ANAPC5: variants seen among roughly 807,000 people sequenced by gnomAD.
ANAPC5 encodes anaphase-promoting complex subunit 5.
ANAPC5 carries 60 observed loss-of-function variants against 91.3 expected under a neutral mutation model. The observed-to-expected ratio is 0.66, with a 90% CI of 0.53 to 0.81. The LOEUF (loss-of-function observed/expected upper bound fraction) is 0.81. Ranked by LOEUF, ANAPC5 falls within the 40% of genes least tolerant of loss-of-function variation. The pLI, the probability that ANAPC5 is intolerant of heterozygous loss-of-function variation, is 0.00. For synonymous variants in ANAPC5, 340 were observed against 364.1 expected (o/e 0.93, Z 0.75); for missense variants, 690 against 931.5 (o/e 0.74, Z 3.37).
intron 1 of ANAPC5, chr12:121,351,102 T>A (rs923442308): frequency 2.2e-5 from 10 of 451,076 alleles, no homozygotes; most frequent in Admixed American, 1.7e-4. Context: ...CCGGGCGCAG[T>A]GGCTCACTCC....
At chr12:121,338,071 A>G (rs887538991) in intron 5 of ANAPC5, among the ~76,000 whole-genome samples, 3 of 152,158 alleles carry the variant, frequency 2.0e-5, no homozygotes, top group Admixed American at 6.6e-5. Context: ...GAGTTTTTCT[A>G]TAAGTAAAAT....
At chr12:121,311,549 T>G (rs185801038) in intron 15 of ANAPC5, among the ~76,000 whole-genome samples, 2 of 152,056 alleles carry the variant, frequency 1.3e-5, no homozygotes, top group African/African-American at 2.4e-5. Flanking sequence ...TCAACAATAA[T>G]AGGCCAGGCA....
chr12:121,321,532 CTT>C (rs59155973), intron 11 of ANAPC5, among the ~76,000 whole-genome samples: 36 of 120,366 alleles, frequency 3.0e-4, no homozygotes, highest in African/African-American at 3.3e-4. Flanking sequence ...ATACAAAATC[CTT>C]TTTTTTTTTT....
At chr12:121,344,354 G>A (rs1430027211) in intron 4 of ANAPC5, among the ~76,000 whole-genome samples, 3 of 152,162 alleles carry the variant, frequency 2.0e-5, no homozygotes, top group Non-Finnish European at 4.4e-5. Context: ...CAAGGCGGGT[G>A]GATCACCTGA....
At chr12:121,352,718 T>TTGTTGTTGTTGGTGGTGGTGGTGG (rs71079056), upstream of ANAPC5, among the ~76,000 whole-genome samples, 823 of 102,426 alleles carry the variant, frequency 8.0e-3, 7 homozygotes, top group African/African-American at 0.02. Context: ...GTTGTTGTTG[T>TTGTTGTTGTTGGTGGTGGTGGTGG]TGGTGGTGGT....
At position 121,318,062 on chromosome 12, in the gene ANAPC5, G is replaced by A. The variant is rs111559847; in HGVS notation, c.1893+215C>T. ...GCGAGTCCTCCTTACTGAATACACA[G>A]CTCAGGAAAGCCAGTGCCACTGGAA... is the stretch of plus-strand genomic sequence containing the variant. On this transcript the variant is annotated intron_variant, in intron 15 of 16. Transcript: ENST00000261819. 7.2e-5 allele frequency: 30 copies of A among 418,910 alleles called. 1 individual carries two copies. The highest frequency in any genetic ancestry group is 4.1e-4 in the African/African-American group (20 of 49,206). The allele number at this position is 418,910 out of a possible 1,614,324, so 25.9% of individuals were successfully genotyped here.
chr12:121,320,605 CTTTCT>C, intron 11 of ANAPC5, 146 bp from the exon 12 acceptor site: 1 of 572,636 alleles, frequency 1.7e-6, no homozygotes, highest in Non-Finnish European at 3.0e-6. Flanking sequence ...AATTTCTTTT[CTTTCT>C]TTTTTTTTTT....
intron 15 of ANAPC5, among the ~76,000 whole-genome samples, chr12:121,316,244 AC>A (rs1218721993): frequency 6.6e-6 from 1 of 152,140 alleles, no homozygotes; most frequent in Non-Finnish European, 1.5e-5. Flanking sequence ...ACAATGAGAC[AC>A]CCCTTCATAC....
At chr12:121,352,101 C>T (rs568043202) in intron 1 of ANAPC5, 33 bp downstream of exon 1, 62 of 1,570,580 alleles carry the variant, frequency 3.9e-5, no homozygotes, top group Non-Finnish European at 5.2e-5. Flanking sequence ...TAAAAGTTTG[C>T]TGCACGAGCA....
chr12:121,352,400 C>T lies in ANAPC5; in HGVS notation c.-60G>A, dbSNP rs185132727. 7.6e-4 allele frequency: 1,037 copies of T among 1,365,868 alleles called. 2 individuals carry two copies. The highest frequency in any genetic ancestry group is 1.8e-3 in the South Asian group (145 of 79,648). 84.6% of individuals were successfully genotyped at this position (1,365,868 alleles called of 1,614,324 possible). A position where few individuals can be genotyped will look rare whatever the true frequency, so the allele number is the denominator to read the frequency against. On this transcript the variant is annotated 5_prime_UTR_variant, in exon 1 of 17. Coordinates refer to ENST00000261819, the MANE Select transcript of ANAPC5 (RefSeq NM_016237.5). ...GCTGCCGCCAGTTGTCACCACAAGG[C>T]ACAACACTACCGGGTCTACATCTCC...
Position 121,318,348 on chromosome 12 carries a change from G to T in ANAPC5, c.1822C>A (p.Leu608Met). ...TIALPMLLQA[L>M]ALSKEYRLQY... ...AACCGGTACTCCTTGGAGAGGGCCA[G>T]AGCCTGCAGGAGCATGGGCAGCGCG... Residue 608 changes from leucine (L) to methionine (M), a missense_variant, in exon 15 of 17, where the codon CTG becomes ATG. Transcript: ENST00000261819. 6.2e-7 allele frequency: 1 copy of T among 1,611,002 alleles called. No homozygotes were observed. The highest frequency in any genetic ancestry group is 1.1e-5 in the South Asian group (1 of 90,540).
In ANAPC5 at chr12:121,318,385, GGAA is replaced by G. The variant is rs752251968; in HGVS notation, c.1782_1784del (p.Ser596del). On this transcript the variant is annotated inframe_deletion, in exon 15 of 17. Transcript: ENST00000261819. Reference sequence around the variant, plus strand: ...GCATGGGCAGCGCGATGGTAGGGGAGGAAGATCGCCAGTACAGCTCTGCCACGG... The same window carrying G: ...GCATGGGCAGCGCGATGGTAGGGGAGGATCGCCAGTACAGCTCTGCCACGG... 1 of 1,612,322 alleles carries G rather than the reference GGAA, an allele frequency of 6.2e-7. No individual in the cohort carries two copies. Among genetic ancestry groups the G allele is most frequent in the South Asian group, 1.1e-5 (1 of 90,742 alleles).
chr12:121,312,584 G>A (rs2136754162), intron 15 of ANAPC5, among the ~76,000 whole-genome samples: 1 of 151,812 alleles, frequency 6.6e-6, no homozygotes, highest in South Asian at 2.1e-4. Flanking sequence ...GCACATGCCT[G>A]TAGTTCCAGC....
intron 1 of ANAPC5, 67 bp from the exon 2 acceptor site, chr12:121,347,948 A>G: frequency 8.9e-7 from 1 of 1,119,526 alleles, no homozygotes; most frequent in Non-Finnish European, 1.3e-6. Flanking sequence ...AATTGCAAAC[A>G]TAAATTCATT....
Position 121,328,406 on chromosome 12 carries a change from G to C in ANAPC5, c.1214C>G (p.Ser405Cys), listed in dbSNP as rs1902905082. 1 of 1,613,864 alleles carries C rather than the reference G, an allele frequency of 6.2e-7. No individual in the cohort carries two copies. Among genetic ancestry groups the C allele is most frequent in the Admixed American group, 1.7e-5 (1 of 59,960 alleles). The change falls in exon 10 of 17, where the codon TCC (serine) becomes TGC (cysteine). Residue 405 changes from serine to cysteine, a missense_variant. Coordinates refer to ENST00000261819, the MANE Select transcript of ANAPC5 (RefSeq NM_016237.5). ...GCTGTGTTTCCAGTGCAGGAGGTCG[G>C]AGTCCTTTAGGGCATCCATCAGCTT... ...ANKLMDALKD[S>C]DLLHWKHSLS...
chr12:121,336,128 AAC>A (rs1276997784), intron 6 of ANAPC5, among the ~76,000 whole-genome samples: 2 of 152,184 alleles, frequency 1.3e-5, no homozygotes, highest in African/African-American at 4.8e-5. Context: ...TACAAGTTAA[AAC>A]ACACTGAGAC....
chr12:121,312,788 G>A (rs1211581884), intron 15 of ANAPC5, among the ~76,000 whole-genome samples: 13 of 151,614 alleles, frequency 8.6e-5, no homozygotes, highest in Non-Finnish European at 7.4e-5. Flanking sequence ...GCTGAGGCAG[G>A]AGAATTGTTT....
chr12:121,315,569 A>G (rs1354853743), intron 15 of ANAPC5, among the ~76,000 whole-genome samples: 2 of 152,224 alleles, frequency 1.3e-5, no homozygotes, highest in African/African-American at 4.8e-5. Flanking sequence ...TAGTACTGGC[A>G]TAAGGGTAAC....
At position 121,308,434 on chromosome 12, in the gene ANAPC5, T is replaced by A; in HGVS notation, c.*46A>T. The A allele has an allele frequency of 6.4e-7, 1 of 1,550,432 alleles. No homozygotes were observed. The highest frequency in any genetic ancestry group is 8.9e-7 in the Non-Finnish European group (1 of 1,126,068). On this transcript the variant is annotated 3_prime_UTR_variant, in exon 17 of 17. Transcript: ENST00000261819. ...TAGGGAGAGAGGGGACATGAACAAG[T>A]CCAAAATCTTATACTCTGCACAGCA...
Sources: gnomAD v4.1 joint callset for allele counts (sites outside exome capture counted in the v4.1 genomes callset) on GRCh38, gnomAD v4.1.1 for gene constraint, MANE v1.5 for transcripts, NCBI Gene and HGNC (gene_info 2026-07-23, HGNC 2026-07-21) for gene names.